CNTN4: variants seen among roughly 807,000 people sequenced by gnomAD.
CNTN4 encodes contactin 4, also known as contactin-4.
Under a neutral mutation model 122.5 loss-of-function variants are expected in CNTN4, and 77 were observed. That is an observed-to-expected ratio of 0.63 (90% CI 0.52 to 0.76). The LOEUF (loss-of-function observed/expected upper bound fraction) is 0.76. Ranked by LOEUF, CNTN4 falls within the 30% of genes least tolerant of loss-of-function variation. The pLI, the probability that CNTN4 is intolerant of heterozygous loss-of-function variation, is 0.00. For synonymous variants in CNTN4, 512 were observed against 447.0 expected (o/e 1.15, Z -1.83); for missense variants, 1,256 against 1,259.1 (o/e 1.00, Z 0.04).
At chr3:2,760,757 C>T (rs867763184) in intron 6 of CNTN4, among the ~76,000 whole-genome samples, 24 of 152,160 alleles carry the variant, frequency 1.6e-4, no homozygotes, top group African/African-American at 5.1e-4. Context: ...AAATTCTGGG[C>T]TGTCTGATTT....
intron 3 of CNTN4, among the ~76,000 whole-genome samples, chr3:2,501,746 A>G (rs2076599747): frequency 6.6e-6 from 1 of 152,154 alleles, no homozygotes; most frequent in Admixed American, 6.5e-5. Context: ...TTTCAGTTAA[A>G]TCAATCTTTA....
At chr3:2,229,933 G>A (rs1336406048) in intron 2 of CNTN4, among the ~76,000 whole-genome samples, 1 of 152,156 alleles carries the variant, frequency 6.6e-6, no homozygotes, top group Non-Finnish European at 1.5e-5. Flanking sequence ...AATGTTTGAT[G>A]AGTGAATGCA....
chr3:2,719,505 C>G (rs144410114), intron 4 of CNTN4, among the ~76,000 whole-genome samples: 3,925 of 152,240 alleles, frequency 0.026, 60 homozygotes, highest in Non-Finnish European at 0.039. Context: ...TCAGGCTGAT[C>G]TCGAATTTCT....
intron 2 of CNTN4, among the ~76,000 whole-genome samples, chr3:2,261,920 C>T (rs2040848433): frequency 6.6e-6 from 1 of 152,144 alleles, no homozygotes; most frequent in African/African-American, 2.4e-5. Context: ...ATGCTGTCGT[C>T]TTTTGCTTTC....
intron 13 of CNTN4, among the ~76,000 whole-genome samples, chr3:2,963,499 T>A (rs1373409452): frequency 6.6e-6 from 1 of 152,218 alleles, no homozygotes; most frequent in African/African-American, 2.4e-5. Flanking sequence ...CTGGCCTTTC[T>A]GTTCCAGGAA....
At chr3:2,552,694 C>T (rs1559226118) in intron 3 of CNTN4, among the ~76,000 whole-genome samples, 1 of 152,070 alleles carries the variant, frequency 6.6e-6, no homozygotes, top group African/African-American at 2.4e-5. Flanking sequence ...AGAGAGGAGA[C>T]TTTATTTTAA....
chr3:2,708,727 T>TCTCACACACACACACACACA (rs1214979217), intron 4 of CNTN4, among the ~76,000 whole-genome samples: 1 of 150,894 alleles, frequency 6.6e-6, no homozygotes, highest in African/African-American at 2.4e-5. Flanking sequence ...CACGCGCGCA[T>TCTCACACACACACACACACA]CACACACACA....
intron 3 of CNTN4, among the ~76,000 whole-genome samples, chr3:2,403,336 A>T (rs1198947804): frequency 6.6e-6 from 1 of 152,120 alleles, no homozygotes; most frequent in Non-Finnish European, 1.5e-5. Context: ...TCAATATATT[A>T]ATGTGAAGGG....
At chr3:2,805,495 C>T (rs968060756) in intron 6 of CNTN4, among the ~76,000 whole-genome samples, 1 of 152,140 alleles carries the variant, frequency 6.6e-6, no homozygotes, top group African/African-American at 2.4e-5. Context: ...TAGCTTGGCT[C>T]ATATTTTTGA....
chr3:2,486,060 C>T (rs185221630), intron 3 of CNTN4, among the ~76,000 whole-genome samples: 7 of 152,126 alleles, frequency 4.6e-5, no homozygotes, highest in Non-Finnish European at 1.0e-4. Context: ...ACATTCATCT[C>T]GAAGGTCTGC....
At chr3:2,628,832 G>A (rs1017980430) in intron 4 of CNTN4, among the ~76,000 whole-genome samples, 1 of 152,180 alleles carries the variant, frequency 6.6e-6, no homozygotes, top group Non-Finnish European at 1.5e-5. Flanking sequence ...TTATTTTCTG[G>A]ATTGTAACAA....
chr3:3,036,885 A>G lies in CNTN4; in HGVS notation c.1943-294A>G, dbSNP rs370645381. Among the ~76,000 whole-genome samples, 4 of 152,344 alleles carry G rather than the reference A, an allele frequency of 2.6e-5. 1 individual carries two copies. The highest frequency in any genetic ancestry group is 4.1e-4 in the South Asian group (2 of 4,828). On this transcript the variant is annotated intron_variant, in intron 17 of 24. Transcript: ENST00000418658. Reference sequence around the variant, plus strand: ...CACTATACAATAAATGCGGAAACACATGTGAAGGGGTGATAGTAATGATTG... The same window carrying G: ...CACTATACAATAAATGCGGAAACACGTGTGAAGGGGTGATAGTAATGATTG...
chr3:2,539,700 ACAAAT>A (rs1177714875), intron 3 of CNTN4, among the ~76,000 whole-genome samples: 1 of 152,270 alleles, frequency 6.6e-6, no homozygotes, highest in East Asian at 1.9e-4. Context: ...ATGAAGGAAA[ACAAAT>A]CAAATTAATG....
chr3:2,521,809 G>A (rs2077228536), intron 3 of CNTN4, among the ~76,000 whole-genome samples: 1 of 151,954 alleles, frequency 6.6e-6, no homozygotes, highest in Non-Finnish European at 1.5e-5. Flanking sequence ...AGGAGTTACA[G>A]AGTAGATGAC....
intron 3 of CNTN4, among the ~76,000 whole-genome samples, chr3:2,518,244 C>T (rs994411600): frequency 6.6e-6 from 1 of 152,078 alleles, no homozygotes; most frequent in East Asian, 1.9e-4. Context: ...TGCACACACG[C>T]ACATGCACGC....
At chr3:2,145,873 G>A (rs1212425020) in intron 2 of CNTN4, among the ~76,000 whole-genome samples, 1 of 151,616 alleles carries the variant, frequency 6.6e-6, no homozygotes, top group Non-Finnish European at 1.5e-5. Context: ...ATTTGACAAA[G>A]GTCATATGGG....
chr3:2,565,887 C>G (rs1204629993), intron 3 of CNTN4, among the ~76,000 whole-genome samples: 1 of 152,140 alleles, frequency 6.6e-6, no homozygotes, highest in East Asian at 1.9e-4. Flanking sequence ...GTGGATGATC[C>G]TTTTTAAAAA....
intron 4 of CNTN4, among the ~76,000 whole-genome samples, chr3:2,713,438 A>C (rs546104987): frequency 6.6e-6 from 1 of 152,332 alleles, no homozygotes; most frequent in East Asian, 1.9e-4. Flanking sequence ...ATGATTGAAC[A>C]AAAAGGGGCA....
intron 4 of CNTN4, among the ~76,000 whole-genome samples, chr3:2,710,773 G>A (rs573349433): frequency 6.6e-6 from 1 of 152,272 alleles, no homozygotes; most frequent in African/African-American, 2.4e-5. Context: ...TGCTTTCTGA[G>A]TGATAGTTTA....
Sources: allele counts gnomAD v4.1 joint callset (sites outside exome capture counted in the v4.1 genomes callset), GRCh38; gene constraint gnomAD v4.1.1; transcripts MANE v1.5; gene names NCBI Gene and HGNC (gene_info 2026-07-23, HGNC 2026-07-21).